The following HPS1 variants were observed in gnomAD, a reference collection of about 807,000 sequenced individuals.
The protein encoded by HPS1 is BLOC-3 complex member HPS1.
A neutral mutation model predicts 90.6 loss-of-function variants in HPS1; 59 were observed. The ratio of observed to expected loss-of-function variants is 0.65; its 90% CI spans 0.53 to 0.81. The LOEUF (loss-of-function observed/expected upper bound fraction) is 0.81, where lower values mean the gene tolerates loss of function less well. HPS1 is among the 30% of genes least tolerant of loss of function. The pLI is 0.00. For missense variants in HPS1, 849 were observed against 896.7 expected (o/e 0.95, Z 0.68); for synonymous variants, 388 against 384.4 (o/e 1.01, Z -0.11).
At position 98,423,741 on chromosome 10, in the gene HPS1, C is replaced by CA. The variant is rs1274513987; in HGVS notation, c.1532+11dup. Reference sequence around the variant, plus strand: ...CCTGCCCTGGCCACCCAGGGGGCCGCACTGCACTTACCGCATGAGCCTCTG... The same window carrying CA: ...CCTGCCCTGGCCACCCAGGGGGCCGCAACTGCACTTACCGCATGAGCCTCTG... On this transcript the variant is annotated intron_variant, in intron 15 of 19. Transcript: ENST00000361490. The CA allele has an allele frequency of 6.2e-7, 1 of 1,614,126 alleles. No individual in the cohort carries two copies. The highest frequency in any genetic ancestry group is 1.3e-5 in the African/African-American group (1 of 75,074).
At chr10:98,414,572 A>C (rs759920275), downstream of HPS1, among the ~76,000 whole-genome samples, 4 of 152,140 alleles carry the variant, frequency 2.6e-5, no homozygotes, top group African/African-American at 4.8e-5. Context: ...CTCAGTGGTA[A>C]GGTAGTGGTG....
At chr10:98,424,186 G>A (rs1845284543) in intron 14 of HPS1, 127 bp downstream of exon 14, 1 of 819,538 alleles carries the variant, frequency 1.2e-6, no homozygotes, top group African/African-American at 1.7e-5. Context: ...ACGTATGTGG[G>A]AAGAAATCTC....
At position 98,443,230 on chromosome 10, in the gene HPS1, A is replaced by G. The variant is rs58548334; in HGVS notation, c.11T>C (p.Val4Ala). 0.026 allele frequency: 41,968 copies of G among 1,613,178 alleles called. 791 individuals are homozygous for G. The highest frequency in any genetic ancestry group is 0.061 in the African/African-American group (4,589 of 74,940). The change falls in exon 3 of 20, where the codon GTC (valine) becomes GCC (alanine). Residue 4 changes from valine to alanine, a missense_variant. Coordinates refer to ENST00000361490, the MANE Select transcript of HPS1 (RefSeq NM_000195.5). MKC[V>A]LVATEGAEVL... ...CTCTGCGCCCTCAGTGGCCACCAAG[A>G]CGCACTTCATCTGCCAGGGAAAGGC...
chr10:98,427,602 C>G (rs528468553), intron 10 of HPS1, among the ~76,000 whole-genome samples: 1 of 152,162 alleles, frequency 6.6e-6, no homozygotes, highest in Non-Finnish European at 1.5e-5. Context: ...CCCCAATCCC[C>G]TCCTTGTTCT....
At chr10:98,420,915 T>A (rs181123099) in intron 17 of HPS1, among the ~76,000 whole-genome samples, 1 of 152,216 alleles carries the variant, frequency 6.6e-6, no homozygotes, top group East Asian at 1.9e-4. Flanking sequence ...TAGGATGTGC[T>A]GAGCCAGGGG....
At chr10:98,436,438 C>A (rs1259770182) in intron 3 of HPS1, among the ~76,000 whole-genome samples, 3 of 152,192 alleles carry the variant, frequency 2.0e-5, no homozygotes, top group Non-Finnish European at 1.5e-5. Context: ...AAAGCCAACA[C>A]TATTAAAGTT....
chr10:98,443,573 C>T (rs916154643), intron 2 of HPS1, among the ~76,000 whole-genome samples: 10 of 152,198 alleles, frequency 6.6e-5, no homozygotes, highest in Non-Finnish European at 1.3e-4. Flanking sequence ...ACGGGGCCTA[C>T]TGGAACCAGA....
chr10:98,445,578 G>A lies in HPS1; in HGVS notation c.-105-174C>T, dbSNP rs1939351145. Reference sequence around the variant, plus strand: ...ATCCTGCCCCTCACCTCCCATAATGGAGAATAGGAACCCGGCCAGCACAGC... The same window carrying A: ...ATCCTGCCCCTCACCTCCCATAATGAAGAATAGGAACCCGGCCAGCACAGC... On this transcript the variant is annotated intron_variant, in intron 1 of 19. Transcript: ENST00000361490. This position sits in a 1 kb window ranked among gnomAD's most constrained non-coding sequence, Gnocchi z 4.5. Among the ~76,000 whole-genome samples the A allele has an allele frequency of 6.6e-6, 1 of 152,148 alleles. No individual in the cohort carries two copies. The highest frequency in any genetic ancestry group is 1.5e-5 in the Non-Finnish European group (1 of 68,014).
At chr10:98,428,495 A>G (rs1221221245) in intron 10 of HPS1, among the ~76,000 whole-genome samples, 1 of 152,190 alleles carries the variant, frequency 6.6e-6, no homozygotes, top group East Asian at 1.9e-4. Flanking sequence ...ATTTCCTAGA[A>G]GTATTCACAC....
At chr10:98,419,082 C>T (rs1053208885) in intron 18 of HPS1, among the ~76,000 whole-genome samples, 3 of 152,108 alleles carry the variant, frequency 2.0e-5, no homozygotes, top group South Asian at 2.1e-4. Flanking sequence ...ATCCGTACAA[C>T]GGGGTCAGGA....
At position 98,425,970 on chromosome 10, in the gene HPS1, G is replaced by C. The variant is rs758361078; in HGVS notation, c.1003C>G (p.Leu335Val). The part of the protein sequence containing the change: ...MDALQIAEDT[L>V]QTLVPHCPVP... ...GGGCAGTGGGGAACCAGTGTTTGGA[G>C]GGTGTCCTCTGCTATCTACAGAGGA... The change falls in exon 12 of 20, where the codon CTC becomes GTC. Residue 335 changes from leucine to valine, a missense_variant. Coordinates refer to ENST00000361490, the MANE Select transcript of HPS1 (RefSeq NM_000195.5). 22 of 1,613,962 alleles carry C rather than the reference G, an allele frequency of 1.4e-5. No homozygotes were observed. In the Admixed American group the frequency reaches 3.2e-4, roughly 23 times the overall value.
Position 98,435,368 on chromosome 10 carries a change from C to G in HPS1, c.302G>C (p.Ser101Thr). The G allele has an allele frequency of 6.2e-7, 1 of 1,614,070 alleles. No individual in the cohort carries two copies. Among genetic ancestry groups the G allele is most frequent in the Non-Finnish European group, 8.5e-7 (1 of 1,180,028 alleles). Residue 101 changes from serine to threonine, a missense_variant, in exon 5 of 20, where the codon AGC (serine) becomes ACC (threonine). Transcript: ENST00000361490. This position sits in a 1 kb window ranked among gnomAD's most constrained non-coding sequence, Gnocchi z 4.3. The part of the protein sequence containing the change: ...FIAINGDHTE[S>T]EGDLRRKLYV... The stretch of plus-strand genomic sequence containing the variant: ...CAGCTTCCGCCGCAGGTCCCCCTCG[C>G]TCTCGGTGTGGTCACCATTGATGGC...
rs915658443 is a variant in HPS1 at position 98,416,342 on chromosome 10, G to A, written c.*1222C>T. 2 of 152,362 alleles carry A rather than the reference G, an allele frequency of 1.3e-5. No homozygotes were observed. The highest frequency in any genetic ancestry group is 6.5e-5 in the Admixed American group (1 of 15,278). The allele number at this position is 152,362 out of a possible 1,614,324, so 9.4% of individuals were successfully genotyped here. Reference sequence around the variant, plus strand: ...AAAGCAGGGGTCCTGAACAGTGGTGGGCTCAGGGGATTGGAGTTTTTTCCT... The same window carrying A: ...AAAGCAGGGGTCCTGAACAGTGGTGAGCTCAGGGGATTGGAGTTTTTTCCT... On this transcript the variant is annotated 3_prime_UTR_variant, in exon 20 of 20. Transcript: ENST00000361490.
chr10:98,426,240 C>T (rs552076544), intron 11 of HPS1: 129 of 517,034 alleles, frequency 2.5e-4, no homozygotes, highest in African/African-American at 2.3e-3. Flanking sequence ...GGCAGAGGGG[C>T]TGGGTGGTGG....
At chr10:98,422,302 A>G (rs1844981117) in intron 17 of HPS1, 67 bp downstream of exon 17, 1 of 1,575,236 alleles carries the variant, frequency 6.3e-7, no homozygotes, top group Non-Finnish European at 8.7e-7. Context: ...CATGTGGATC[A>G]CACCAGGAAG....
chr10:98,423,475 G>C lies in HPS1; in HGVS notation c.1598+128C>G, dbSNP rs548211156. 10 of 862,686 alleles carry C rather than the reference G, an allele frequency of 1.2e-5. No individual in the cohort carries two copies. In the African/African-American group the frequency reaches 1.6e-4, roughly 14 times the overall value. 53.4% of individuals were successfully genotyped at this position (862,686 alleles called of 1,614,324 possible). On this transcript the variant is annotated intron_variant, in intron 16 of 19. Transcript: ENST00000361490. ...CCCATTATTTTCCTTCAGAGAGGTG[G>C]TGAGCAGCTGATGGGGTGGAACATA...
chr10:98,441,780 G>A (rs948973861), intron 3 of HPS1, among the ~76,000 whole-genome samples: 8 of 152,222 alleles, frequency 5.3e-5, no homozygotes, highest in Admixed American at 5.2e-4. Context: ...TTAAAACACA[G>A]TGAGATTCTA....
At position 98,425,709 on chromosome 10, in the gene HPS1, C is replaced by G. The variant is rs775117501; in HGVS notation, c.1167G>C (p.Ala389=). Residue 389 remains alanine (A), a synonymous_variant, in exon 13 of 20, where the codon GCG becomes GCC. Coordinates refer to ENST00000361490, the MANE Select transcript of HPS1 (RefSeq NM_000195.5). ...NLVLLTRSPS[A]PLALVLSQLM... is the part of the protein sequence containing the mutation. ...GCTGGGACAGAACCAGGGCCAGGGG[C>G]GCGCTGGGGCTCTGAGGGTAAGGGC... is the stretch of plus-strand genomic sequence containing the variant. 6.2e-7 allele frequency: 1 copy of G among 1,609,374 alleles called. No homozygotes were observed. Among genetic ancestry groups the G allele is most frequent in the African/African-American group, 1.3e-5 (1 of 74,922 alleles).
chr10:98,446,372 C>T (rs916282543), intron 1 of HPS1, among the ~76,000 whole-genome samples: 2 of 152,228 alleles, frequency 1.3e-5, no homozygotes, highest in African/African-American at 4.8e-5. Flanking sequence ...TCGGAGGGGA[C>T]TCACTGACGA....
Sources: gnomAD v4.1 joint callset for allele counts (sites outside exome capture counted in the v4.1 genomes callset) on GRCh38, gnomAD v4.1.1 for gene constraint, Gnocchi (gnomAD v3.1) non-coding constraint, MANE v1.5 for transcripts, NCBI Gene and HGNC (gene_info 2026-07-23, HGNC 2026-07-21) for gene names.